Variants in CHCHD3 observed in about 807,000 individuals in gnomAD.
CHCHD3 encodes the protein MICOS complex subunit MIC19.
A neutral mutation model predicts 38.2 loss-of-function variants in CHCHD3; 20 were observed. The observed-to-expected ratio is 0.52, with a 90% CI of 0.37 to 0.76. The LOEUF (loss-of-function observed/expected upper bound fraction) is 0.76, where lower values mean the gene tolerates loss of function less well. Ranked by LOEUF, CHCHD3 falls within the 30% of genes least tolerant of loss-of-function variation. The pLI, the probability that CHCHD3 is intolerant of heterozygous loss-of-function variation, is 0.00. For missense variants in CHCHD3, 245 were observed against 279.2 expected (o/e 0.88, Z 0.87); for synonymous variants, 82 against 100.0 (o/e 0.82, Z 1.07).
chr7:132,856,879 TG>T (rs1258658407), intron 5 of CHCHD3, among the ~76,000 whole-genome samples: 1 of 152,234 alleles, frequency 6.6e-6, no homozygotes, highest in African/African-American at 2.4e-5. Flanking sequence ...CTGCATTTCC[TG>T]GGGGTTCACT....
At chr7:133,058,970 T>C (rs1292062236) in intron 2 of CHCHD3, among the ~76,000 whole-genome samples, 2 of 152,176 alleles carry the variant, frequency 1.3e-5, no homozygotes, top group Non-Finnish European at 2.9e-5. Flanking sequence ...GTCCCCACAC[T>C]GGGAGGACTG....
chr7:132,786,238 T>C (rs747621866), intron 7 of CHCHD3, among the ~76,000 whole-genome samples: 109 of 152,276 alleles, frequency 7.2e-4, no homozygotes, highest in Admixed American at 1.8e-3. Flanking sequence ...GGCTGATGGA[T>C]GCAGTGACCG....
intron 3 of CHCHD3, among the ~76,000 whole-genome samples, chr7:133,024,271 A>G (rs1307714965): frequency 2.0e-5 from 3 of 152,228 alleles, no homozygotes; most frequent in African/African-American, 7.2e-5. Flanking sequence ...GAATACTCAA[A>G]AACTCCTTCT....
At chr7:133,072,331 C>T (rs1814847945) in intron 1 of CHCHD3, among the ~76,000 whole-genome samples, 4 of 152,072 alleles carry the variant, frequency 2.6e-5, no homozygotes, top group Admixed American at 2.6e-4. Context: ...ATTTAAAATA[C>T]TAACATTCAC....
chr7:132,862,032 A>G (rs537345067), intron 5 of CHCHD3, among the ~76,000 whole-genome samples: 1 of 152,202 alleles, frequency 6.6e-6, no homozygotes, highest in East Asian at 1.9e-4. Flanking sequence ...AATCATGTCT[A>G]TGAATCTTGA....
chr7:132,787,977 G>T (rs1249631697), intron 7 of CHCHD3, among the ~76,000 whole-genome samples: 1 of 152,138 alleles, frequency 6.6e-6, no homozygotes, highest in Non-Finnish European at 1.5e-5. Flanking sequence ...ACTCATACTG[G>T]AATGTGAGGC....
intron 4 of CHCHD3, among the ~76,000 whole-genome samples, chr7:132,942,778 T>C (rs1030422316): frequency 1.3e-4 from 20 of 152,154 alleles, no homozygotes; most frequent in African/African-American, 4.8e-4. Flanking sequence ...CACAAGTAAT[T>C]CTCTTTGTTC....
In CHCHD3 at chr7:132,918,417, A is replaced by C. The variant is rs117744962; in HGVS notation, c.370-32672T>G. 3.0e-3 allele frequency among the ~76,000 whole-genome samples: 463 copies of C among 152,358 alleles called. 2 individuals carry two copies. The East Asian group carries it at 0.034, about 11-fold the overall frequency. On this transcript the variant is annotated intron_variant, in intron 4 of 7. Coordinates refer to ENST00000262570, the MANE Select transcript of CHCHD3 (RefSeq NM_017812.4). ...GTAAAGCCCTGGCACAGTGCGTGAC[A>C]CATTTGTGAAACACTCAGATACAAT...
rs1442566309 is a variant in CHCHD3, at chr7:132,785,143, C to T, written c.*494G>A. On this transcript the variant is annotated 3_prime_UTR_variant, in exon 8 of 8. Coordinates refer to ENST00000262570, the MANE Select transcript of CHCHD3 (RefSeq NM_017812.4). ...CAACATGCCACAGCCTAGACAATTC[C>T]ATCCAGCACTGCTGCCTCCAGATCT... 2 of 154,632 alleles carry T rather than the reference C, an allele frequency of 1.3e-5. No homozygotes were observed. Among genetic ancestry groups the T allele is most frequent in the African/African-American group, 4.8e-5 (2 of 41,446 alleles). 9.6% of individuals were successfully genotyped at this position (154,632 alleles called of 1,614,324 possible).
intron 2 of CHCHD3, among the ~76,000 whole-genome samples, chr7:133,039,093 T>C (rs1813757924): frequency 6.6e-6 from 1 of 152,248 alleles, no homozygotes; most frequent in African/African-American, 2.4e-5. Flanking sequence ...TTAGTGTCTC[T>C]AGTGAAAGCT....
chr7:132,915,612 T>C (rs1385574369), intron 4 of CHCHD3, among the ~76,000 whole-genome samples: 1 of 152,234 alleles, frequency 6.6e-6, no homozygotes, highest in Admixed American at 6.5e-5. Context: ...TGTTTTGTTT[T>C]GAAGTTCAAA....
chr7:133,034,937 G>A (rs1339800810), intron 2 of CHCHD3: 2 of 1,604,052 alleles, frequency 1.2e-6, no homozygotes, highest in East Asian at 4.5e-5. Flanking sequence ...GTTCTTCAGG[G>A]AAGCGATACT....
At chr7:132,930,980 C>T (rs962069576) in intron 4 of CHCHD3, among the ~76,000 whole-genome samples, 2 of 152,184 alleles carry the variant, frequency 1.3e-5, no homozygotes, top group African/African-American at 4.8e-5. Context: ...ATGCAGGTAT[C>T]AGTCTTCTAA....
chr7:132,863,943 G>A (rs1280706706), intron 5 of CHCHD3, among the ~76,000 whole-genome samples: 1 of 152,188 alleles, frequency 6.6e-6, no homozygotes, highest in Non-Finnish European at 1.5e-5. Context: ...GGAATGTTGT[G>A]GCTGGTCTGA....
chr7:132,824,481 G>T (rs1807459204), intron 6 of CHCHD3, among the ~76,000 whole-genome samples: 1 of 151,966 alleles, frequency 6.6e-6, no homozygotes, highest in South Asian at 2.1e-4. Flanking sequence ...ACCACGCCAG[G>T]CTAATTTTCT....
intron 7 of CHCHD3, among the ~76,000 whole-genome samples, chr7:132,789,165 G>A (rs1177973112): frequency 5.3e-5 from 8 of 152,170 alleles, no homozygotes; most frequent in South Asian, 4.2e-4. Context: ...GAATTTCAAC[G>A]CTGCATAAAT....
chr7:132,857,271 G>A (rs950878744), intron 5 of CHCHD3, among the ~76,000 whole-genome samples: 3 of 152,058 alleles, frequency 2.0e-5, no homozygotes, highest in Non-Finnish European at 2.9e-5. Context: ...GAACTTTAAC[G>A]TGTAAAGACC....
intron 6 of CHCHD3, among the ~76,000 whole-genome samples, chr7:132,818,413 T>C (rs1037551645): frequency 4.6e-5 from 7 of 152,224 alleles, no homozygotes; most frequent in African/African-American, 1.4e-4. Context: ...GGTTCTCTTA[T>C]CCTTAAAGTA....
At position 132,857,742 on chromosome 7, in the gene CHCHD3, T is replaced by C. The variant is rs146634326; in HGVS notation, c.454-19273A>G. Among the ~76,000 whole-genome samples the C allele has an allele frequency of 7.3e-3, 1,110 of 152,236 alleles. 13 individuals carry two copies. Among genetic ancestry groups the C allele is most frequent in the African/African-American group, 0.025 (1,030 of 41,556 alleles). Reference sequence around the variant, plus strand: ...TATTTTAGAGCTGAACATCTCTGGATGGGAGGGGGCACTTCCTAACAGGGG... The same window carrying C: ...TATTTTAGAGCTGAACATCTCTGGACGGGAGGGGGCACTTCCTAACAGGGG... On this transcript the variant is annotated intron_variant, in intron 5 of 7. Coordinates refer to ENST00000262570, the MANE Select transcript of CHCHD3 (RefSeq NM_017812.4).
Sources: allele counts gnomAD v4.1 joint callset (sites outside exome capture counted in the v4.1 genomes callset), GRCh38; gene constraint gnomAD v4.1.1; transcripts MANE v1.5; gene names NCBI Gene and HGNC (gene_info 2026-07-23, HGNC 2026-07-21).